Variants in CBLB observed in about 807,000 individuals in gnomAD.
CBLB encodes Cbl proto-oncogene B.
In CBLB, 31 loss-of-function variants were observed where a neutral mutation model predicts 104.9. The ratio of observed to expected loss-of-function variants is 0.30; its 90% CI spans 0.22 to 0.40. The LOEUF is 0.40. Among genes scored for constraint, CBLB ranks in the 10% least tolerant of loss-of-function variants. The pLI is 1.00. For missense variants in CBLB, 1,062 were observed against 1,214.6 expected (o/e 0.87, Z 1.87); for synonymous variants, 440 against 422.6 (o/e 1.04, Z -0.51).
Position 105,692,116 on chromosome 3 carries a change from G to A in CBLB, c.2054+1378C>T, listed in dbSNP as rs553395556. On this transcript the variant is annotated intron_variant, in intron 13 of 18. Transcript: ENST00000394030. ...TTGATATGTATAGTGGGAGTTCAGTGAACTGCAGATGAAGGAATGAAGAAG... is the reference window on the plus strand; with the variant it reads ...TTGATATGTATAGTGGGAGTTCAGTAAACTGCAGATGAAGGAATGAAGAAG... Among the ~76,000 whole-genome samples, 7 of 152,250 alleles carry A rather than the reference G, an allele frequency of 4.6e-5. No homozygotes were observed. In the South Asian group the frequency reaches 1.2e-3, roughly 27 times the overall value.
chr3:105,755,023 T>G (rs141879573), intron 4 of CBLB, among the ~76,000 whole-genome samples: 1 of 31,034 alleles, frequency 3.2e-5, no homozygotes, highest in Admixed American at 2.3e-4. Flanking sequence ...TTTCTTTTTT[T>G]TTTTTTTTTT....
At chr3:105,834,522 G>A (rs1185340348) in intron 3 of CBLB, among the ~76,000 whole-genome samples, 1 of 152,138 alleles carries the variant, frequency 6.6e-6, no homozygotes, top group African/African-American at 2.4e-5. Flanking sequence ...CGGGCGTGGT[G>A]GCAGGCACCT....
chr3:105,796,725 T>C (rs558500529), intron 3 of CBLB, among the ~76,000 whole-genome samples: 12 of 152,130 alleles, frequency 7.9e-5, no homozygotes, highest in Non-Finnish European at 1.2e-4. Flanking sequence ...ATAAGGAACT[T>C]AAATTTACAA....
At chr3:105,868,047 G>C in intron 1 of CBLB, 1 of 490,748 alleles carries the variant, frequency 2.0e-6, no homozygotes, top group Admixed American at 3.8e-5. Context: ...CACTCTGTTA[G>C]ATTTCTCCAA....
chr3:105,772,622 C>T (rs112374870), intron 4 of CBLB, among the ~76,000 whole-genome samples: 2,667 of 152,238 alleles, frequency 0.018, 70 homozygotes, highest in African/African-American at 0.061. Flanking sequence ...ATGCTTCTGA[C>T]AACGGACTAG....
At chr3:105,786,060 T>TTGGG (rs1560233373) in intron 3 of CBLB, among the ~76,000 whole-genome samples, 3 of 3,146 alleles carry the variant, frequency 9.5e-4, no homozygotes, top group South Asian at 0.016. Flanking sequence ...TGTGAGAGGA[T>TTGGG]CGGGGGGGGG....
In CBLB at chr3:105,681,838, A is replaced by G. The variant is rs577523490; in HGVS notation, c.2202-20T>C. On this transcript the variant is annotated intron_variant, in intron 14 of 18. Transcript: ENST00000394030. ...CAAGACCTAAAGGACAGTTCAGAGT[A>G]AAATTATATAAGGAGAATACTTTCC... 1 of 1,370,178 alleles carries G rather than the reference A, an allele frequency of 7.3e-7. No individual in the cohort carries two copies. Among genetic ancestry groups the G allele is most frequent in the African/African-American group, 1.4e-5 (1 of 70,348 alleles). 84.9% of individuals were successfully genotyped at this position (1,370,178 alleles called of 1,614,324 possible).
intron 16 of CBLB, among the ~76,000 whole-genome samples, chr3:105,678,833 T>C (rs2065958586): frequency 6.6e-6 from 1 of 152,162 alleles, no homozygotes; most frequent in Non-Finnish European, 1.5e-5. Context: ...GGCCTTTTTA[T>C]AAAAAGCAGC....
chr3:105,815,337 T>C (rs998648827), intron 3 of CBLB, among the ~76,000 whole-genome samples: 1 of 152,142 alleles, frequency 6.6e-6, no homozygotes, highest in Non-Finnish European at 1.5e-5. Context: ...TCCGTTCTGT[T>C]CAAAGGATGA....
At chr3:105,803,090 G>C (rs1242466776) in intron 3 of CBLB, among the ~76,000 whole-genome samples, 1 of 152,180 alleles carries the variant, frequency 6.6e-6, no homozygotes, top group Non-Finnish European at 1.5e-5. Context: ...TAGCACTCAT[G>C]CATAGTCATT....
chr3:105,679,152 A>C (rs1278232085), intron 16 of CBLB, among the ~76,000 whole-genome samples: 1 of 152,118 alleles, frequency 6.6e-6, no homozygotes, highest in Non-Finnish European at 1.5e-5. Context: ...ATATTTTTCA[A>C]TTTGTCAGAT....
At chr3:105,713,413 A>G (rs1429763454) in intron 10 of CBLB, among the ~76,000 whole-genome samples, 1 of 151,744 alleles carries the variant, frequency 6.6e-6, no homozygotes. Context: ...AATCCTTCTC[A>G]AGGGCCTACT....
rs144987058 is a variant in CBLB at position 105,663,414 on chromosome 3, T to A, written c.2690-4185A>T. ...AGGAGGTAACGATTGGTCAGCTGCTTGACTGATCACAGGTTCACATTATTG... is the reference window on the plus strand; with the variant it reads ...AGGAGGTAACGATTGGTCAGCTGCTAGACTGATCACAGGTTCACATTATTG... On this transcript the variant is annotated intron_variant, in intron 18 of 18. Transcript: ENST00000394030. Among the ~76,000 whole-genome samples, 11 of 152,302 alleles carry A rather than the reference T, an allele frequency of 7.2e-5. 1 individual carries two copies. Among genetic ancestry groups the A allele is most frequent in the African/African-American group, 2.6e-4 (11 of 41,576 alleles).
intron 3 of CBLB, among the ~76,000 whole-genome samples, chr3:105,812,057 T>C (rs2084385161): frequency 6.6e-6 from 1 of 152,122 alleles, no homozygotes; most frequent in Non-Finnish European, 1.5e-5. Context: ...CCTTCCCTTC[T>C]TGTTTGTTTG....
chr3:105,678,699 C>A (rs966144708), intron 16 of CBLB, 128 bp from the exon 17 acceptor site: 8 of 1,057,676 alleles, frequency 7.6e-6, no homozygotes, highest in Non-Finnish European at 1.1e-5. Flanking sequence ...GTTTATCCAG[C>A]AGTTCACCAA....
rs370148410 is a variant in CBLB at position 105,711,700 on chromosome 3, G to A, written c.1408-7527C>T. ...AATAATTTGGGGAGAAACCCAGAAT[G>A]AAACAGGAAAGTCCTCTGAAGTAGG... is the stretch of plus-strand genomic sequence containing the variant. On this transcript the variant is annotated intron_variant, in intron 10 of 18. Coordinates refer to ENST00000394030, the MANE Select transcript of CBLB (RefSeq NM_170662.5). Among the ~76,000 whole-genome samples, 11 of 152,176 alleles carry A rather than the reference G, an allele frequency of 7.2e-5. No individual in the cohort carries two copies. The East Asian group carries it at 1.9e-3, about 27-fold the overall frequency.
intron 3 of CBLB, among the ~76,000 whole-genome samples, chr3:105,794,527 C>T (rs769968915): frequency 1.8e-4 from 27 of 152,118 alleles, no homozygotes; most frequent in Non-Finnish European, 3.7e-4. Flanking sequence ...TTATTAATTT[C>T]GATCTTACTT....
intron 12 of CBLB, 57 bp downstream of exon 12, chr3:105,702,037 G>T: frequency 8.7e-6 from 14 of 1,600,090 alleles, no homozygotes; most frequent in South Asian, 3.3e-5. Context: ...TTATGCTACT[G>T]ACCATCAGAA....
At position 105,795,164 on chromosome 3, in the gene CBLB, G is replaced by A. The variant is rs536951568; in HGVS notation, c.420-18622C>T. Among the ~76,000 whole-genome samples the A allele has an allele frequency of 3.9e-5, 6 of 152,156 alleles. No individual in the cohort carries two copies. In the South Asian group the frequency reaches 8.3e-4, roughly 21 times the overall value. On this transcript the variant is annotated intron_variant, in intron 3 of 18. Transcript: ENST00000394030. ...GCTGACCTTGTGATCTGCCCAACTCGGCCTCCGAAAGTGCTGGGATTACAG... is the reference window on the plus strand; with the variant it reads ...GCTGACCTTGTGATCTGCCCAACTCAGCCTCCGAAAGTGCTGGGATTACAG...
Sources: gnomAD v4.1 joint callset for allele counts (sites outside exome capture counted in the v4.1 genomes callset) on GRCh38, gnomAD v4.1.1 for gene constraint, MANE v1.5 for transcripts, NCBI Gene and HGNC (gene_info 2026-07-23, HGNC 2026-07-21) for gene names.